The following L3MBTL4 variants were observed in gnomAD, a reference collection of about 807,000 sequenced individuals.
The protein encoded by L3MBTL4 is lethal(3)malignant brain tumor-like protein 4.
A neutral mutation model predicts 84.5 loss-of-function variants in L3MBTL4; 70 were observed. The ratio of observed to expected loss-of-function variants is 0.83; its 90% confidence interval spans 0.68 to 1.01. The LOEUF (loss-of-function observed/expected upper bound fraction) is 1.01, where lower values mean the gene tolerates loss of function less well. Ranked by LOEUF, L3MBTL4 falls within the 50% of genes least tolerant of loss-of-function variation. The probability of loss-of-function intolerance (pLI) is 0.00; values close to 1 mark genes in which losing one functional copy is unlikely to be tolerated. For synonymous variants in L3MBTL4, 274 were observed against 259.8 expected, an observed-to-expected ratio of 1.05 and a Z score of -0.52; for missense variants, 715 against 754.8, an observed-to-expected ratio of 0.95 and a Z score of 0.62.
intron 13 of L3MBTL4, among the ~76,000 whole-genome samples, chr18:6,159,262 T>C (rs1351335131): frequency 2.0e-5 from 3 of 152,186 alleles, no homozygotes; most frequent in Non-Finnish European, 2.9e-5. Flanking sequence ...CACTTTTCTG[T>C]TCAGAGACGG....
rs143049909 is a variant in L3MBTL4 at position 6,172,027 on chromosome 18, G to A, written c.982-85C>T. On this transcript the variant is annotated intron_variant, in intron 12 of 18. Coordinates refer to ENST00000317931, the MANE Select transcript of L3MBTL4 (RefSeq NM_001330559.2). Reference sequence around the variant, plus strand: ...TCAAAATATTTGAATACAGATGTCTGAAGCTGAGATTGAAATTTTATTGAT... The same window carrying A: ...TCAAAATATTTGAATACAGATGTCTAAAGCTGAGATTGAAATTTTATTGAT... 1.4e-3 allele frequency: 842 copies of A among 618,362 alleles called. 2 individuals are homozygous for A. In the African/African-American group the frequency reaches 0.014, roughly 10 times the overall value. 38.3% of individuals were successfully genotyped at this position (618,362 alleles called of 1,614,324 possible).
chr18:6,407,979 C>A (rs887521247), intron 1 of L3MBTL4, among the ~76,000 whole-genome samples: 1 of 152,084 alleles, frequency 6.6e-6, no homozygotes, highest in Admixed American at 6.5e-5. Context: ...AAAGCAGACA[C>A]AAATGTACAA....
chr18:6,280,631 TC>T (rs781529314), intron 4 of L3MBTL4, among the ~76,000 whole-genome samples: 3 of 152,206 alleles, frequency 2.0e-5, no homozygotes, highest in Non-Finnish European at 2.9e-5. Context: ...AACTGTGAAT[TC>T]ATTATCTGAC....
chr18:6,326,627 G>C (rs2051734053), intron 1 of L3MBTL4: 1 of 152,236 alleles, frequency 6.6e-6, no homozygotes, highest in Non-Finnish European at 1.5e-5. Context: ...ATGAGTAAGA[G>C]AGATGGATGA....
chr18:6,397,086 T>C (rs1186443907), intron 1 of L3MBTL4: 1 of 152,136 alleles, frequency 6.6e-6, no homozygotes, highest in African/African-American at 2.4e-5. Context: ...GAAATGCAGA[T>C]GAACTGAGAC....
chr18:6,365,490 C>T (rs138828825), intron 1 of L3MBTL4, among the ~76,000 whole-genome samples: 2,200 of 152,266 alleles, frequency 0.014, 16 homozygotes, highest in Non-Finnish European at 0.022. Context: ...ATTCTACTGG[C>T]CATGTCCTAT....
intron 16 of L3MBTL4, among the ~76,000 whole-genome samples, chr18:6,074,431 T>C (rs1269127574): frequency 6.6e-6 from 1 of 152,222 alleles, no homozygotes; most frequent in Non-Finnish European, 1.5e-5. Context: ...GGCTGTCATG[T>C]TGTCCGTGTG....
rs1160519522 is a variant in L3MBTL4 at position 6,105,302 on chromosome 18, T to C, written c.1200-11774A>G. 3.3e-5 allele frequency among the ~76,000 whole-genome samples: 5 copies of C among 150,896 alleles called. No individual in the cohort carries two copies. The East Asian group carries it at 1.0e-3, about 30-fold the overall frequency. On this transcript the variant is annotated intron_variant, in intron 14 of 18. Transcript: ENST00000317931. ...GCCTCCAGGGTTCAAGCGATTCTTC[T>C]GCCTCAGCCTCCCAAGTAGCAGGAT...
chr18:6,036,440 G>A (rs1348363753), intron 16 of L3MBTL4, among the ~76,000 whole-genome samples: 1 of 151,814 alleles, frequency 6.6e-6, no homozygotes, highest in Admixed American at 6.6e-5. Context: ...GTGCTTTTCA[G>A]CTTCAAAATT....
chr18:5,955,931 A>G lies in L3MBTL4; in HGVS notation c.*289T>C. 3.5e-6 allele frequency: 1 copy of G among 284,424 alleles called. No homozygotes were observed. The highest frequency in any genetic ancestry group is 6.5e-6 in the Non-Finnish European group (1 of 154,012). 17.6% of individuals were successfully genotyped at this position (284,424 alleles called of 1,614,324 possible). On this transcript the variant is annotated 3_prime_UTR_variant, in exon 19 of 19. Coordinates refer to ENST00000317931, the MANE Select transcript of L3MBTL4 (RefSeq NM_001330559.2). ...TGGTGACGGAGAAGAATAAAGGTGG[A>G]TGTGTGGGCTTCTTTGGTCTGTCTT...
At chr18:6,110,855 A>G (rs1023940917) in intron 14 of L3MBTL4, among the ~76,000 whole-genome samples, 5 of 152,116 alleles carry the variant, frequency 3.3e-5, no homozygotes, top group African/African-American at 7.2e-5. Context: ...AGTGCTGGAT[A>G]GACGCATTCT....
intron 5 of L3MBTL4, among the ~76,000 whole-genome samples, chr18:6,249,867 G>C (rs183511468): frequency 2.2e-3 from 331 of 152,292 alleles, no homozygotes; most frequent in African/African-American, 7.7e-3. Flanking sequence ...AAAAATTACA[G>C]ATCGACTCGA....
At chr18:5,986,013 T>C (rs191342855) in intron 16 of L3MBTL4, among the ~76,000 whole-genome samples, 6 of 152,230 alleles carry the variant, frequency 3.9e-5, no homozygotes, top group Non-Finnish European at 8.8e-5. Context: ...AAGAATGCAG[T>C]CTTGGCTGAG....
chr18:6,374,031 A>C (rs2144233600), intron 1 of L3MBTL4, among the ~76,000 whole-genome samples: 1 of 152,292 alleles, frequency 6.6e-6, no homozygotes, highest in East Asian at 1.9e-4. Flanking sequence ...TTCCATGTGT[A>C]TCAGTGGTCT....
chr18:5,995,180 G>A (rs939739823), intron 16 of L3MBTL4, among the ~76,000 whole-genome samples: 9 of 152,226 alleles, frequency 5.9e-5, no homozygotes, highest in African/African-American at 1.7e-4. Context: ...TTTCCACAGC[G>A]GCGACCACGC....
chr18:6,348,773 C>A (rs2053042875), intron 1 of L3MBTL4, among the ~76,000 whole-genome samples: 1 of 152,060 alleles, frequency 6.6e-6, no homozygotes, highest in Non-Finnish European at 1.5e-5. Flanking sequence ...AAAGGCAATC[C>A]AAAAAGTAGG....
chr18:6,139,044 T>C (rs994490416), intron 13 of L3MBTL4, among the ~76,000 whole-genome samples: 5 of 152,070 alleles, frequency 3.3e-5, no homozygotes, highest in Admixed American at 2.6e-4. Flanking sequence ...ATGGCAAACA[T>C]GGCCCCACAG....
At chr18:6,046,263 C>A (rs1299351391) in intron 16 of L3MBTL4, among the ~76,000 whole-genome samples, 1 of 152,182 alleles carries the variant, frequency 6.6e-6, no homozygotes, top group African/African-American at 2.4e-5. Context: ...GAAACAACTA[C>A]TTCTAGACCT....
intron 16 of L3MBTL4, among the ~76,000 whole-genome samples, chr18:6,049,055 G>A (rs1200358422): frequency 6.6e-6 from 1 of 152,142 alleles, no homozygotes; most frequent in Non-Finnish European, 1.5e-5. Flanking sequence ...GGAGGCAGAG[G>A]TGAGGGGAGA....
Sources: allele counts gnomAD v4.1 joint callset (sites outside exome capture counted in the v4.1 genomes callset), GRCh38; gene constraint gnomAD v4.1.1; transcripts MANE v1.5; gene names NCBI Gene and HGNC (gene_info 2026-07-23, HGNC 2026-07-21).